Variants in ENOX1 observed in about 807,000 individuals in gnomAD.
The protein encoded by ENOX1 is candidate growth-related and time keeping constitutive hydroquinone (NADH) oxidase.
ENOX1 carries 42 observed loss-of-function variants against 82.5 expected under a neutral mutation model. The ratio of observed to expected loss-of-function variants is 0.51; its 90% confidence interval spans 0.40 to 0.66. ENOX1 has a LOEUF of 0.66. Among genes scored for constraint, ENOX1 ranks in the 30% least tolerant of loss-of-function variants. ENOX1 has a pLI of 0.00. For synonymous variants in ENOX1, 271 were observed against 282.2 expected (o/e 0.96, Z 0.40); for missense variants, 608 against 811.6 (o/e 0.75, Z 3.05).
At chr13:43,372,600 G>A (rs1266771300) in intron 5 of ENOX1, among the ~76,000 whole-genome samples, 1 of 151,902 alleles carries the variant, frequency 6.6e-6, no homozygotes, top group Non-Finnish European at 1.5e-5. Context: ...CAACCTAACA[G>A]GAACATAACT....
At chr13:43,234,848 A>G (rs1269839530) in intron 15 of ENOX1, among the ~76,000 whole-genome samples, 2 of 152,272 alleles carry the variant, frequency 1.3e-5, no homozygotes, top group African/African-American at 2.4e-5. Context: ...ATAAAACCTA[A>G]TAACTACTTA....
chr13:43,519,163 A>G (rs975970129), intron 2 of ENOX1, among the ~76,000 whole-genome samples: 2 of 152,156 alleles, frequency 1.3e-5, no homozygotes, highest in African/African-American at 4.8e-5. Context: ...TTTTTGTGCT[A>G]AAGTTTCCCT....
At chr13:43,497,664 G>A (rs1593495077) in intron 2 of ENOX1, among the ~76,000 whole-genome samples, 1 of 152,172 alleles carries the variant, frequency 6.6e-6, no homozygotes, top group East Asian at 1.9e-4. Context: ...ACATTTTTGT[G>A]TCTATGATCA....
chr13:43,671,994 C>G (rs941888304), intron 1 of ENOX1, among the ~76,000 whole-genome samples: 1 of 152,134 alleles, frequency 6.6e-6, no homozygotes, highest in African/African-American at 2.4e-5. Context: ...ACTTTGTATT[C>G]AAAAACTATG....
intron 3 of ENOX1, among the ~76,000 whole-genome samples, chr13:43,462,817 A>C (rs2057547424): frequency 6.6e-6 from 1 of 152,250 alleles, no homozygotes; most frequent in Non-Finnish European, 1.5e-5. Context: ...ACAAATGAAC[A>C]TCAGACGAAA....
intron 3 of ENOX1, among the ~76,000 whole-genome samples, chr13:43,430,224 C>T (rs898673286): frequency 6.6e-6 from 1 of 152,220 alleles, no homozygotes; most frequent in Admixed American, 6.5e-5. Context: ...CTAACTTCAA[C>T]AGTCTACTCT....
In ENOX1 at chr13:43,344,695, C is replaced by G; in HGVS notation, c.879G>C (p.Gly293=). ...ITVLLSWIER[G]EVNRRSANQF... ...GGTTTGCAGAGCGCCGATTCACTTC[C>G]CCTCGTTCAATCCAGGAAAGCAGCA... The change falls in exon 9 of 17, where the codon GGG becomes GGC. Residue 293 remains glycine, a synonymous_variant. Coordinates refer to ENST00000690772, the MANE Select transcript of ENOX1 (RefSeq NM_001347969.2). 1 of 1,614,190 alleles carries G rather than the reference C, an allele frequency of 6.2e-7. No individual in the cohort carries two copies. Among genetic ancestry groups the G allele is most frequent in the East Asian group, 2.2e-5 (1 of 44,884 alleles).
At chr13:43,293,913 C>T (rs998816667) in intron 12 of ENOX1, among the ~76,000 whole-genome samples, 3 of 152,256 alleles carry the variant, frequency 2.0e-5, no homozygotes, top group African/African-American at 4.8e-5. Context: ...AATGCATACA[C>T]AGAAAATCAC....
intron 5 of ENOX1, among the ~76,000 whole-genome samples, chr13:43,393,116 A>G (rs370680632): frequency 3.4e-4 from 52 of 152,360 alleles, no homozygotes; most frequent in East Asian, 1.7e-3. Context: ...AATAAGAGAA[A>G]ATAATGTGAA....
At chr13:43,499,929 T>G (rs945909678) in intron 2 of ENOX1, among the ~76,000 whole-genome samples, 9 of 151,866 alleles carry the variant, frequency 5.9e-5, no homozygotes, top group African/African-American at 2.2e-4. Context: ...GGAGCTGCAG[T>G]TATTATGACT....
At chr13:43,271,131 A>T (rs929578087) in intron 12 of ENOX1, among the ~76,000 whole-genome samples, 1 of 152,246 alleles carries the variant, frequency 6.6e-6, no homozygotes, top group Non-Finnish European at 1.5e-5. Flanking sequence ...CTCTTTTGAA[A>T]AATGAGCCAA....
At chr13:43,444,629 A>G (rs1000257018) in intron 3 of ENOX1, among the ~76,000 whole-genome samples, 2 of 152,246 alleles carry the variant, frequency 1.3e-5, no homozygotes, top group African/African-American at 4.8e-5. Flanking sequence ...AGTTAGCTAG[A>G]AACATATTTC....
At chr13:43,266,913 G>A (rs1566376305) in intron 13 of ENOX1, among the ~76,000 whole-genome samples, 1 of 152,142 alleles carries the variant, frequency 6.6e-6, no homozygotes, top group Non-Finnish European at 1.5e-5. Flanking sequence ...GTGAATGTCT[G>A]TTCCACCTTT....
At chr13:43,559,756 C>T (rs1258152678) in intron 2 of ENOX1, among the ~76,000 whole-genome samples, 1 of 152,120 alleles carries the variant, frequency 6.6e-6, no homozygotes, top group East Asian at 1.9e-4. Flanking sequence ...GTTTATAATA[C>T]AACTTTCATT....
chr13:43,453,525 C>G (rs187027534), intron 3 of ENOX1, among the ~76,000 whole-genome samples: 1 of 152,170 alleles, frequency 6.6e-6, no homozygotes, highest in Non-Finnish European at 1.5e-5. Flanking sequence ...GCGGCAATCC[C>G]TGGAATATGC....
At chr13:43,433,911 T>C (rs1448093210) in intron 3 of ENOX1, among the ~76,000 whole-genome samples, 2 of 152,204 alleles carry the variant, frequency 1.3e-5, no homozygotes, top group Non-Finnish European at 2.9e-5. Context: ...CCATTACTTG[T>C]ACCTGGTAAG....
At chr13:43,529,183 A>C (rs77535688) in intron 2 of ENOX1, among the ~76,000 whole-genome samples, 1,602 of 152,118 alleles carry the variant, frequency 0.011, 31 homozygotes, top group African/African-American at 0.037. Flanking sequence ...TCTGAGTAGC[A>C]TGATGAAATC....
chr13:43,269,031 G>T (rs1285747522), intron 13 of ENOX1, among the ~76,000 whole-genome samples: 1 of 152,194 alleles, frequency 6.6e-6, no homozygotes, highest in Admixed American at 6.5e-5. Context: ...GGTTAGATAA[G>T]TACCCTGATG....
chr13:43,611,372 G>A (rs2082194182), intron 2 of ENOX1, among the ~76,000 whole-genome samples: 1 of 152,138 alleles, frequency 6.6e-6, no homozygotes, highest in African/African-American at 2.4e-5. Context: ...CAAGGATCTG[G>A]CAAACACGAC....
Sources: gnomAD v4.1 joint callset for allele counts (sites outside exome capture counted in the v4.1 genomes callset) on GRCh38, gnomAD v4.1.1 for gene constraint, MANE v1.5 for transcripts, NCBI Gene and HGNC (gene_info 2026-07-23, HGNC 2026-07-21) for gene names.